ADAD1: variants seen among roughly 807,000 people sequenced by gnomAD.
The protein encoded by ADAD1 is adenosine deaminase domain containing 1.
ADAD1 carries 46 observed loss-of-function variants against 66.8 expected under a neutral mutation model. The observed-to-expected ratio is 0.69, with a 90% CI of 0.54 to 0.88. The LOEUF (loss-of-function observed/expected upper bound fraction) is 0.88. Among genes scored for constraint, ADAD1 ranks in the 40% least tolerant of loss-of-function variants. The probability of loss-of-function intolerance (pLI) is 0.00; values close to 1 mark genes in which losing one functional copy is unlikely to be tolerated. For synonymous variants in ADAD1, 248 were observed against 229.4 expected, an observed-to-expected ratio of 1.08 and a Z score of -0.73; for missense variants, 617 against 681.8, an observed-to-expected ratio of 0.91 and a Z score of 1.06.
intron 12 of ADAD1, among the ~76,000 whole-genome samples, chr4:122,429,375 A>AT (rs777561577): frequency 4.6e-5 from 7 of 151,986 alleles, no homozygotes; most frequent in Non-Finnish European, 1.0e-4. Context: ...TTCAGTGATC[A>AT]TGCCACCATA....
intron 7 of ADAD1, among the ~76,000 whole-genome samples, chr4:122,402,207 T>G (rs1796015551): frequency 6.6e-6 from 1 of 152,198 alleles, no homozygotes; most frequent in East Asian, 1.9e-4. Context: ...GTGAATTCTC[T>G]TAGCATTTGT....
chr4:122,396,996 A>T (rs1795748916), intron 7 of ADAD1, among the ~76,000 whole-genome samples: 3 of 152,226 alleles, frequency 2.0e-5, no homozygotes, highest in Admixed American at 1.3e-4. Flanking sequence ...TAGATAGGAA[A>T]GAAATGATAG....
chr4:122,387,651 T>G (rs1204538401), intron 5 of ADAD1, among the ~76,000 whole-genome samples: 1 of 152,186 alleles, frequency 6.6e-6, no homozygotes, highest in Non-Finnish European at 1.5e-5. Context: ...TTCCAGCTTT[T>G]GCCCATTCAA....
At chr4:122,409,861 G>T (rs1276178404) in intron 8 of ADAD1, among the ~76,000 whole-genome samples, 1 of 151,934 alleles carries the variant, frequency 6.6e-6, no homozygotes, top group Non-Finnish European at 1.5e-5. Flanking sequence ...CACCATACCC[G>T]GCCTTTTTTT....
intron 7 of ADAD1, among the ~76,000 whole-genome samples, chr4:122,398,806 A>AT (rs1486270443): frequency 4.7e-5 from 7 of 148,618 alleles, no homozygotes; most frequent in African/African-American, 7.4e-5. Flanking sequence ...TCCTTAGCCC[A>AT]TTTTTTTGAT....
chr4:122,385,498 C>G (rs1369955269), intron 5 of ADAD1, among the ~76,000 whole-genome samples: 1 of 152,142 alleles, frequency 6.6e-6, no homozygotes, highest in Non-Finnish European at 1.5e-5. Context: ...GTCTTGAACT[C>G]CTGACCTCAA....
At position 122,380,248 on chromosome 4, in the gene ADAD1, C is replaced by T; in HGVS notation, c.172+7C>T. Reference sequence around the variant, plus strand: ...AAGGTTACGCAAGTAACGGGTACGACTTTTTTCATTTGTAACAATGAGTCA... The same window carrying T: ...AAGGTTACGCAAGTAACGGGTACGATTTTTTTCATTTGTAACAATGAGTCA... On this transcript the variant is annotated splice_region_variant and intron_variant, in intron 3 of 12. Coordinates refer to ENST00000296513, the MANE Select transcript of ADAD1 (RefSeq NM_139243.4). 4 of 1,599,736 alleles carry T rather than the reference C, an allele frequency of 2.5e-6. No homozygotes were observed. Among genetic ancestry groups the T allele is most frequent in the Non-Finnish European group, 3.4e-6 (4 of 1,175,122 alleles).
intron 5 of ADAD1, among the ~76,000 whole-genome samples, chr4:122,388,614 G>T (rs1561533213): frequency 6.6e-6 from 1 of 152,134 alleles, no homozygotes; most frequent in Non-Finnish European, 1.5e-5. Flanking sequence ...TATGCATCCA[G>T]GAATTTATCT....
chr4:122,383,718 G>T, intron 4 of ADAD1, 81 bp from the exon 5 acceptor site: 1 of 1,401,572 alleles, frequency 7.1e-7, no homozygotes, highest in East Asian at 2.4e-5. Context: ...TTTTGTACTG[G>T]AATGTTTTCC....
At chr4:122,411,734 C>T (rs1796475037) in intron 9 of ADAD1, among the ~76,000 whole-genome samples, 1 of 152,030 alleles carries the variant, frequency 6.6e-6, no homozygotes, top group South Asian at 2.1e-4. Flanking sequence ...ATGTATAAAG[C>T]AAATATTCCA....
At chr4:122,386,478 C>A (rs1795178710) in intron 5 of ADAD1, among the ~76,000 whole-genome samples, 1 of 123,306 alleles carries the variant, frequency 8.1e-6, no homozygotes, top group East Asian at 2.5e-4. Flanking sequence ...AATTTTCTCC[C>A]ATTTTGTAGG....
chr4:122,403,372 A>G (rs947715745), intron 7 of ADAD1, among the ~76,000 whole-genome samples: 2 of 152,182 alleles, frequency 1.3e-5, no homozygotes, highest in Non-Finnish European at 2.9e-5. Flanking sequence ...CATAAATACC[A>G]GAACCTGCTC....
intron 5 of ADAD1, among the ~76,000 whole-genome samples, chr4:122,392,188 T>C (rs1197840317): frequency 2.0e-5 from 3 of 152,212 alleles, no homozygotes; most frequent in African/African-American, 7.2e-5. Flanking sequence ...TGTCAACAAC[T>C]CTATTACTGG....
chr4:122,390,357 A>T (rs1268682274), intron 5 of ADAD1, among the ~76,000 whole-genome samples: 1 of 152,010 alleles, frequency 6.6e-6, no homozygotes, highest in Non-Finnish European at 1.5e-5. Context: ...CTTCTTGTGG[A>T]GTATCTTAAT....
chr4:122,380,869 T>A (rs868262069), intron 3 of ADAD1, 123 bp from the exon 4 acceptor site: 3 of 904,608 alleles, frequency 3.3e-6, no homozygotes, highest in Middle Eastern at 3.5e-4. Context: ...AGTAGAAACT[T>A]AAGAAAAACA....
At chr4:122,411,103 A>C (rs1796445707) in intron 8 of ADAD1, 119 bp from the exon 9 acceptor site, 13 of 759,246 alleles carry the variant, frequency 1.7e-5, no homozygotes, top group Non-Finnish European at 1.0e-5. Context: ...AGGAGTTCTT[A>C]CCTGTGTCAA....
chr4:122,417,631 T>C (rs1332594057), intron 11 of ADAD1, among the ~76,000 whole-genome samples: 1 of 152,142 alleles, frequency 6.6e-6, no homozygotes, highest in Non-Finnish European at 1.5e-5. Flanking sequence ...TAAACAAAGA[T>C]ATAGCCGTTT....
At chr4:122,381,855 T>A (rs1231161294) in intron 4 of ADAD1, among the ~76,000 whole-genome samples, 1 of 152,086 alleles carries the variant, frequency 6.6e-6, no homozygotes, top group Non-Finnish European at 1.5e-5. Context: ...TATGTACATG[T>A]GTGTGTGTTT....
intron 12 of ADAD1, among the ~76,000 whole-genome samples, chr4:122,423,121 GT>G (rs1443425017): frequency 3.9e-5 from 6 of 152,136 alleles, no homozygotes. Context: ...AAGAACTGTA[GT>G]TTTTTGACCC....
Sources: allele counts gnomAD v4.1 joint callset (sites outside exome capture counted in the v4.1 genomes callset), GRCh38; gene constraint gnomAD v4.1.1; transcripts MANE v1.5; gene names NCBI Gene and HGNC (gene_info 2026-07-23, HGNC 2026-07-21).